TNRC18: variants seen among roughly 807,000 people sequenced by gnomAD.
The protein encoded by TNRC18 is trinucleotide repeat containing 18.
In TNRC18, 69 loss-of-function variants were observed where a neutral mutation model predicts 226.7. The observed-to-expected ratio is 0.30, with a 90% CI of 0.25 to 0.37. TNRC18 has a LOEUF of 0.37. Among genes scored for constraint, TNRC18 ranks in the 10% least tolerant of loss-of-function variants. The probability of loss-of-function intolerance (pLI) is 1.00; values close to 1 mark genes in which losing one functional copy is unlikely to be tolerated. For synonymous variants in TNRC18, 2,449 were observed against 1,927.6 expected (o/e 1.27, Z -7.09); for missense variants, 4,754 against 4,256.6 (o/e 1.12, Z -3.25).
At chr7:5,339,019 C>A (rs539243039) in intron 18 of TNRC18, among the ~76,000 whole-genome samples, 3 of 150,686 alleles carry the variant, frequency 2.0e-5, no homozygotes, top group African/African-American at 7.3e-5. Context: ...TAGACAAGGC[C>A]AGGCACAATG....
intron 22 of TNRC18, 192 bp from the exon 23 acceptor site, chr7:5,320,799 G>C (rs140885422): frequency 3.2e-6 from 2 of 627,328 alleles, no homozygotes; most frequent in Non-Finnish European, 5.6e-6. Flanking sequence ...ACTAGGGGTT[G>C]CAAGGCACAG....
chr7:5,314,195 C>T lies in TNRC18; in HGVS notation c.7028-332G>A, dbSNP rs192723882. The stretch of plus-strand genomic sequence containing the variant: ...CTCCGTTGCCCAGGCTGGTCTTAAA[C>T]TCCTGGGCTCAAGCGATCCCTGTGC... On this transcript the variant is annotated intron_variant, in intron 26 of 29. Transcript: ENST00000430969. Among the ~76,000 whole-genome samples, 610 of 151,642 alleles carry T rather than the reference C, an allele frequency of 4.0e-3. 2 individuals are homozygous for T. The highest frequency in any genetic ancestry group is 0.014 in the African/African-American group (589 of 41,366).
chr7:5,339,260 G>A (rs1354968072), intron 18 of TNRC18, among the ~76,000 whole-genome samples: 1 of 146,454 alleles, frequency 6.8e-6, no homozygotes, highest in Non-Finnish European at 1.5e-5. Flanking sequence ...TGTTTTTTGA[G>A]ATGGAGTCTC....
rs1782562082 is a variant in TNRC18 at position 5,421,173 on chromosome 7, A to T, written c.74T>A (p.Met25Lys). The T allele has an allele frequency of 1.4e-6, 2 of 1,405,092 alleles. No homozygotes were observed. The highest frequency in any genetic ancestry group is 1.5e-5 in the African/African-American group (1 of 65,618). 87.0% of individuals were successfully genotyped at this position (1,405,092 alleles called of 1,614,324 possible). Reference protein sequence around the residue: ...PPPPLLSGLAMDSHRVGAATA... With the variant: ...PPPPLLSGLAKDSHRVGAATA... ...GGCCGCGCCCACGCGGTGGCTGTCC[A>T]TGGCCAGGCCGGACAGCAGCGGCGG... The change falls in exon 2 of 30, where the codon ATG becomes AAG. Residue 25 changes from methionine to lysine, a missense_variant. Transcript: ENST00000430969.
intron 11 of TNRC18, among the ~76,000 whole-genome samples, chr7:5,365,024 T>TG (rs869033041): frequency 9.1e-4 from 126 of 138,578 alleles, no homozygotes; most frequent in African/African-American, 1.5e-3. Flanking sequence ...CAGAATCATG[T>TG]GGGGGGGCGG....
At chr7:5,336,196 G>C (rs530673759) in intron 18 of TNRC18, among the ~76,000 whole-genome samples, 12 of 146,986 alleles carry the variant, frequency 8.2e-5, no homozygotes, top group African/African-American at 2.5e-4. Flanking sequence ...AACAGAGCGA[G>C]ACTCTGTTTT....
Position 5,313,072 on chromosome 7 carries a change from A to C in TNRC18, c.7819T>G (p.Ser2607Ala). 8.5e-7 allele frequency: 1 copy of C among 1,178,078 alleles called. No individual in the cohort carries two copies. 73.0% of individuals were successfully genotyped at this position (1,178,078 alleles called of 1,614,324 possible). A position where few individuals can be genotyped will look rare whatever the true frequency, so the allele number is the denominator to read the frequency against. The change falls in exon 27 of 30, where the codon TCC becomes GCC. Residue 2607 changes from serine to alanine, a missense_variant. Coordinates refer to ENST00000430969, the MANE Select transcript of TNRC18 (RefSeq NM_001080495.3). ...TGGRNCSAAS[S>A]RAASPASSSS... ...GAGGAGGCCGGTGAGGCCGCCCTGG[A>C]GCTGGCAGCGCTGCAGTTACGGCCC...
chr7:5,370,045 C>T (rs906695784), intron 11 of TNRC18, among the ~76,000 whole-genome samples: 4 of 151,970 alleles, frequency 2.6e-5, no homozygotes, highest in East Asian at 1.9e-4. Flanking sequence ...GCACAGCGAG[C>T]GACTCACACC....
rs747863988 is a variant in TNRC18 at position 5,312,768 on chromosome 7, C to T, written c.8123G>A (p.Gly2708Asp). Reference protein sequence around the residue: ...ALPTKATKQAGKARPSAHSPG... With the variant: ...ALPTKATKQADKARPSAHSPG... ...GGAGTGGGCCGAGGGCCGCGCCTTG[C>T]CGGCCTGCTTGGTGGCCTTGGTGGG... Residue 2708 changes from glycine (G) to aspartate (D), a missense_variant, in exon 27 of 30, where the codon GGC (glycine) becomes GAC (aspartate). Gly to Asp is a moderately conservative substitution (Grantham distance 94, BLOSUM62 -1). Coordinates refer to ENST00000430969, the MANE Select transcript of TNRC18 (RefSeq NM_001080495.3). The surrounding 1 kb of genome is among the most constrained non-coding windows in gnomAD (Gnocchi z 6.3). 116 of 1,532,828 alleles carry T rather than the reference C, an allele frequency of 7.6e-5. No homozygotes were observed. Among genetic ancestry groups the T allele is most frequent in the Non-Finnish European group, 9.6e-5 (110 of 1,144,908 alleles). The allele number at this position is 1,532,828 out of a possible 1,614,324, so 95.0% of individuals were successfully genotyped here.
Position 5,388,398 on chromosome 7 carries a change from C to G in TNRC18, c.1426G>C (p.Glu476Gln). 1 of 1,506,054 alleles carries G rather than the reference C, an allele frequency of 6.6e-7. No individual in the cohort carries two copies. The highest frequency in any genetic ancestry group is 8.8e-7 in the Non-Finnish European group (1 of 1,135,780). 93.3% of individuals were successfully genotyped at this position (1,506,054 alleles called of 1,614,324 possible). A position where few individuals can be genotyped will look rare whatever the true frequency, so the allele number is the denominator to read the frequency against. Residue 476 changes from glutamate to glutamine, a missense_variant, in exon 5 of 30, where the codon GAG becomes CAG. Physicochemically the swap from Glu to Gln is conservative, Grantham distance 29. Coordinates refer to ENST00000430969, the MANE Select transcript of TNRC18 (RefSeq NM_001080495.3). ...LKPEADPRPC[E>Q]RAPRGPAGPA... ...CCGGCTGGGCCGCGGGGCGCACGCT[C>G]GCAGGGCCTCGGGTCCGCCTCGGGC...
intron 1 of TNRC18, chr7:5,423,096 C>T (rs1017914237): frequency 6.6e-6 from 1 of 151,950 alleles, no homozygotes; most frequent in Non-Finnish European, 1.5e-5. Flanking sequence ...TGAATTCCGG[C>T]TTTTAATTAA....
At chr7:5,323,669 G>C (rs1788612272) in intron 21 of TNRC18, among the ~76,000 whole-genome samples, 2 of 150,794 alleles carry the variant, frequency 1.3e-5, no homozygotes, top group Admixed American at 1.3e-4. Flanking sequence ...CTGGTTTCAA[G>C]TGATTCTCCT....
At chr7:5,393,135 C>T (rs1780420247) in intron 3 of TNRC18, among the ~76,000 whole-genome samples, 1 of 152,208 alleles carries the variant, frequency 6.6e-6, no homozygotes, top group African/African-American at 2.4e-5. Flanking sequence ...GATTTGTTGG[C>T]CAAAGAGAAA....
intron 17 of TNRC18, among the ~76,000 whole-genome samples, chr7:5,350,142 G>A (rs1045259586): frequency 4.6e-5 from 7 of 152,196 alleles, no homozygotes; most frequent in East Asian, 1.9e-4. Context: ...GGAGGAGGCC[G>A]GGGAGGGAGA....
At chr7:5,374,526 T>C (rs781688246) in intron 9 of TNRC18, 42 bp from the exon 10 acceptor site, 1 of 1,517,030 alleles carries the variant, frequency 6.6e-7, no homozygotes, top group Non-Finnish European at 8.8e-7. Flanking sequence ...GGCACGAGTT[T>C]CCCCCTCCCC....
At chr7:5,318,605 C>A (rs1330758205) in intron 24 of TNRC18, among the ~76,000 whole-genome samples, 8 of 31,464 alleles carry the variant, frequency 2.5e-4, no homozygotes, top group African/African-American at 5.2e-4. Flanking sequence ...ATGATGAGAA[C>A]ACACACACAC....
At chr7:5,382,488 T>TC (rs1471014651) in intron 5 of TNRC18, among the ~76,000 whole-genome samples, 1 of 152,156 alleles carries the variant, frequency 6.6e-6, no homozygotes. Flanking sequence ...GGCAACCCCT[T>TC]CCTGGCCTCT....
At chr7:5,344,884 T>C (rs1433139883) in intron 18 of TNRC18, among the ~76,000 whole-genome samples, 8 of 151,994 alleles carry the variant, frequency 5.3e-5, no homozygotes, top group Non-Finnish European at 1.0e-4. Flanking sequence ...AGGGAAACAG[T>C]CAGAGATGGA....
At position 5,387,665 on chromosome 7, in the gene TNRC18, G is replaced by A. The variant is rs2128192182; in HGVS notation, c.2152+7C>T. On this transcript the variant is annotated splice_region_variant and intron_variant, in intron 5 of 29. Coordinates refer to ENST00000430969, the MANE Select transcript of TNRC18 (RefSeq NM_001080495.3). ...CTACCCGCACCTGGGCTCTGCCCAGGACCTACCTTTGACGTTACTCAGCGA... is the reference window on the plus strand; with the variant it reads ...CTACCCGCACCTGGGCTCTGCCCAGAACCTACCTTTGACGTTACTCAGCGA... The A allele has an allele frequency of 2.5e-6, 4 of 1,602,800 alleles. No homozygotes were observed. The highest frequency in any genetic ancestry group is 3.4e-6 in the Non-Finnish European group (4 of 1,179,828).
Sources: allele counts gnomAD v4.1 joint callset (sites outside exome capture counted in the v4.1 genomes callset), GRCh38; gene constraint gnomAD v4.1.1; non-coding constraint Gnocchi (gnomAD v3.1); transcripts MANE v1.5; gene names NCBI Gene and HGNC (gene_info 2026-07-23, HGNC 2026-07-21).